The following NRCAM variants were observed in gnomAD, a reference collection of about 807,000 sequenced individuals.
The protein encoded by NRCAM is NgCAM-related cell adhesion molecule.
A neutral mutation model predicts 156.5 loss-of-function variants in NRCAM; 83 were observed. That is an observed-to-expected ratio of 0.53 (90% CI 0.44 to 0.64). NRCAM has a LOEUF of 0.64. NRCAM is among the 30% of genes least tolerant of loss of function. The pLI, the probability that NRCAM is intolerant of heterozygous loss-of-function variation, is 0.00. For synonymous variants in NRCAM, 538 were observed against 563.9 expected (o/e 0.95, Z 0.65); for missense variants, 1,417 against 1,597.3 (o/e 0.89, Z 1.92).
intron 3 of NRCAM, among the ~76,000 whole-genome samples, chr7:108,311,732 T>TC (rs1161852273): frequency 1.3e-5 from 2 of 152,208 alleles, no homozygotes; most frequent in African/African-American, 4.8e-5. Flanking sequence ...ATGAATCATT[T>TC]CCTTTCAATT....
At chr7:108,275,098 G>A (rs759385512) in intron 3 of NRCAM, among the ~76,000 whole-genome samples, 10 of 152,118 alleles carry the variant, frequency 6.6e-5, no homozygotes, top group African/African-American at 2.2e-4. Flanking sequence ...CAACTTGCTC[G>A]TGGTGGATAA....
At chr7:108,167,984 C>T (rs905254125) in intron 29 of NRCAM, among the ~76,000 whole-genome samples, 2 of 152,168 alleles carry the variant, frequency 1.3e-5, no homozygotes, top group African/African-American at 4.8e-5. Flanking sequence ...TTCCTTCTTA[C>T]TCTTGTTTAT....
Position 108,395,520 on chromosome 7 carries a change from C to T in NRCAM, c.-174+3916G>A, listed in dbSNP as rs2099774308. On this transcript the variant is annotated intron_variant, in intron 2 of 32. Transcript: ENST00000379028. ...CATTATAAAAGGGCACACAGCAACACATTTTACTGTTAAATATGATCTGAG... is the reference window on the plus strand; with the variant it reads ...CATTATAAAAGGGCACACAGCAACATATTTTACTGTTAAATATGATCTGAG... 2.0e-5 allele frequency among the ~76,000 whole-genome samples: 3 copies of T among 152,186 alleles called. No homozygotes were observed. In the South Asian group the frequency reaches 6.2e-4, roughly 32 times the overall value.
At chr7:108,379,089 G>C (rs1003644516) in intron 2 of NRCAM, among the ~76,000 whole-genome samples, 2 of 151,990 alleles carry the variant, frequency 1.3e-5, no homozygotes, top group Non-Finnish European at 2.9e-5. Context: ...AAAATACTAA[G>C]TTCAATCTAT....
intron 1 of NRCAM, among the ~76,000 whole-genome samples, chr7:108,436,143 A>C (rs192218826): frequency 6.6e-6 from 1 of 152,308 alleles, no homozygotes; most frequent in Admixed American, 6.5e-5. Flanking sequence ...CAAATAAATA[A>C]ATAAATAAAT....
At chr7:108,170,204 T>G (rs1025394908) in intron 28 of NRCAM, among the ~76,000 whole-genome samples, 1 of 152,096 alleles carries the variant, frequency 6.6e-6, no homozygotes, top group Admixed American at 6.6e-5. Flanking sequence ...AATGGAATAT[T>G]ATTCCGACTT....
intron 3 of NRCAM, among the ~76,000 whole-genome samples, chr7:108,302,563 C>T (rs531850061): frequency 1.3e-5 from 2 of 152,254 alleles, no homozygotes; most frequent in Non-Finnish European, 2.9e-5. Flanking sequence ...AACTAAAGTT[C>T]TTGGTAAATT....
chr7:108,358,605 T>A (rs2099524973), intron 2 of NRCAM, among the ~76,000 whole-genome samples: 1 of 152,186 alleles, frequency 6.6e-6, no homozygotes, highest in South Asian at 2.1e-4. Flanking sequence ...GAGCTCCTCC[T>A]GAAAGCTTGC....
intron 31 of NRCAM, 126 bp from the exon 32 acceptor site, chr7:108,159,667 A>T: frequency 2.9e-6 from 2 of 685,804 alleles, no homozygotes; most frequent in Non-Finnish European, 5.1e-6. Context: ...ATGTTGTATA[A>T]CCATATATAT....
At chr7:108,224,350 G>A (rs1357512584) in intron 10 of NRCAM, among the ~76,000 whole-genome samples, 1 of 152,108 alleles carries the variant, frequency 6.6e-6, no homozygotes, top group Admixed American at 6.5e-5. Context: ...TCCTCAAACT[G>A]TGAGGTTTAT....
intron 1 of NRCAM, among the ~76,000 whole-genome samples, chr7:108,414,222 T>C (rs958754299): frequency 6.6e-6 from 1 of 152,202 alleles, no homozygotes; most frequent in African/African-American, 2.4e-5. Flanking sequence ...TGACAGACTG[T>C]TGCAAAGTAC....
intron 8 of NRCAM, among the ~76,000 whole-genome samples, chr7:108,226,865 T>C (rs2093553312): frequency 6.6e-6 from 1 of 152,178 alleles, no homozygotes; most frequent in Non-Finnish European, 1.5e-5. Context: ...GCACTGGGCA[T>C]GCCAGAGTCC....
At chr7:108,426,334 A>G (rs1169743377) in intron 1 of NRCAM, among the ~76,000 whole-genome samples, 1 of 152,268 alleles carries the variant, frequency 6.6e-6, no homozygotes, top group East Asian at 1.9e-4. Context: ...ACTGTGCTCT[A>G]GGCACAAGGC....
chr7:108,383,483 A>T, intron 2 of NRCAM, among the ~76,000 whole-genome samples: 1 of 152,214 alleles, frequency 6.6e-6, no homozygotes, highest in East Asian at 1.9e-4. Context: ...GATATAACTT[A>T]TGACAAGGGC....
At chr7:108,284,910 G>A (rs2098026152) in intron 3 of NRCAM, among the ~76,000 whole-genome samples, 1 of 152,182 alleles carries the variant, frequency 6.6e-6, no homozygotes, top group Non-Finnish European at 1.5e-5. Flanking sequence ...CACATAATTA[G>A]CACTCCAGCA....
Position 108,328,019 on chromosome 7 carries a change from A to G in NRCAM, c.-173-15288T>C, listed in dbSNP as rs183093919. Among the ~76,000 whole-genome samples, 243 of 152,362 alleles carry G rather than the reference A, an allele frequency of 1.6e-3. 2 individuals are homozygous for G. The highest frequency in any genetic ancestry group is 5.7e-3 in the African/African-American group (239 of 41,576). On this transcript the variant is annotated intron_variant, in intron 2 of 32. Coordinates refer to ENST00000379028, the MANE Select transcript of NRCAM (RefSeq NM_001037132.4). ...AAAACAAATATCCACAGAAAGAATGACAAAAGCATTAAAATTACATCTTAA... is the reference window on the plus strand; with the variant it reads ...AAAACAAATATCCACAGAAAGAATGGCAAAAGCATTAAAATTACATCTTAA...
chr7:108,393,333 G>A (rs907439396), intron 2 of NRCAM, among the ~76,000 whole-genome samples: 1 of 152,162 alleles, frequency 6.6e-6, no homozygotes, highest in Non-Finnish European at 1.5e-5. Flanking sequence ...CTAGCAACAA[G>A]CAAGGCTCTG....
At chr7:108,160,101 C>A (rs780633224) in intron 31 of NRCAM, among the ~76,000 whole-genome samples, 7 of 152,172 alleles carry the variant, frequency 4.6e-5, no homozygotes, top group Non-Finnish European at 8.8e-5. Context: ...GCATCCATAA[C>A]CTATGTGGAG....
intron 1 of NRCAM, among the ~76,000 whole-genome samples, chr7:108,444,154 A>G (rs1255154493): frequency 2.6e-5 from 4 of 152,210 alleles, no homozygotes; most frequent in Non-Finnish European, 5.9e-5. Flanking sequence ...TTTACATAGC[A>G]TTTACATTGT....
Sources: allele counts gnomAD v4.1 joint callset (sites outside exome capture counted in the v4.1 genomes callset), GRCh38; gene constraint gnomAD v4.1.1; transcripts MANE v1.5; gene names NCBI Gene and HGNC (gene_info 2026-07-23, HGNC 2026-07-21).